The following ASH1L variants were observed in gnomAD, a reference collection of about 807,000 sequenced individuals.
ASH1L encodes the protein histone-lysine N-methyltransferase ASH1L.
A neutral mutation model predicts 269.0 loss-of-function variants in ASH1L; 23 were observed. That is an observed-to-expected ratio of 0.09 (90% CI 0.06 to 0.12). The LOEUF is 0.12. ASH1L is among the 10% of genes least tolerant of loss of function. The pLI, the probability that ASH1L is intolerant of heterozygous loss-of-function variation, is 1.00. For missense variants in ASH1L, 2,912 were observed against 3,567.8 expected (o/e 0.82, Z 4.68); for synonymous variants, 1,187 against 1,253.5 (o/e 0.95, Z 1.12).
intron 15 of ASH1L, among the ~76,000 whole-genome samples, chr1:155,356,254 T>C (rs1485223292): frequency 6.6e-6 from 1 of 152,178 alleles, no homozygotes; most frequent in African/African-American, 2.4e-5. Flanking sequence ...GTATTCTTAA[T>C]TTTTTCTCTA....
intron 5 of ASH1L, among the ~76,000 whole-genome samples, chr1:155,417,082 C>T (rs1208180653): frequency 1.3e-5 from 2 of 151,984 alleles, no homozygotes. Flanking sequence ...CAGGCATGTG[C>T]CACCACACCC....
chr1:155,410,392 C>T (rs1304387698), intron 6 of ASH1L, among the ~76,000 whole-genome samples: 1 of 152,150 alleles, frequency 6.6e-6, no homozygotes, highest in East Asian at 1.9e-4. Context: ...CAACCTCTGC[C>T]TCCGGAGGTC....
chr1:155,415,617 A>G lies in ASH1L; in HGVS notation c.6008+127T>C, dbSNP rs541968868. On this transcript the variant is annotated intron_variant, in intron 6 of 27. Coordinates refer to ENST00000392403, the MANE Select transcript of ASH1L (RefSeq NM_018489.3). Reference sequence around the variant, plus strand: ...AGTTTGAGGGAGGCGTACCTCATACATGAGTGCAAAAACACAATCATCACG... The same window carrying G: ...AGTTTGAGGGAGGCGTACCTCATACGTGAGTGCAAAAACACAATCATCACG... The G allele has an allele frequency of 6.6e-5, 71 of 1,080,022 alleles. 1 individual carries two copies. The Middle Eastern group carries it at 9.5e-4, about 14-fold the overall frequency. 66.9% of individuals were successfully genotyped at this position (1,080,022 alleles called of 1,614,324 possible).
chr1:155,543,495 G>C (rs1005342740), intron 1 of ASH1L, among the ~76,000 whole-genome samples: 2 of 128,076 alleles, frequency 1.6e-5, no homozygotes, highest in Admixed American at 1.7e-4. Context: ...GCATCACAGA[G>C]TGAGACTCTG....
intron 6 of ASH1L, among the ~76,000 whole-genome samples, chr1:155,411,146 C>T (rs897418205): frequency 8.6e-5 from 13 of 152,030 alleles, no homozygotes; most frequent in African/African-American, 2.9e-4. Flanking sequence ...CTGTACTTTC[C>T]ACTCAATTTT....
chr1:155,413,622 C>T (rs971814687), intron 6 of ASH1L, among the ~76,000 whole-genome samples: 12 of 151,876 alleles, frequency 7.9e-5, no homozygotes, highest in African/African-American at 2.9e-4. Context: ...AACAAACAAA[C>T]CAGAAAACAA....
chr1:155,407,776 G>C (rs1321193432), intron 6 of ASH1L, among the ~76,000 whole-genome samples: 2 of 151,436 alleles, frequency 1.3e-5, no homozygotes, highest in Non-Finnish European at 1.5e-5. Context: ...CATGAAACCT[G>C]AAAACAATAT....
chr1:155,425,809 C>T (rs1056004572), intron 5 of ASH1L, among the ~76,000 whole-genome samples: 2 of 151,892 alleles, frequency 1.3e-5, no homozygotes, highest in Admixed American at 6.6e-5. Flanking sequence ...AACTCCTGAC[C>T]TCAGGTGATC....
intron 3 of ASH1L, among the ~76,000 whole-genome samples, chr1:155,462,063 G>C (rs533197961): frequency 1.3e-5 from 2 of 152,246 alleles, no homozygotes; most frequent in African/African-American, 4.8e-5. Flanking sequence ...GCCTCCCAAA[G>C]TGCTGGGATT....
intron 4 of ASH1L, among the ~76,000 whole-genome samples, chr1:155,457,906 T>C (rs1040306761): frequency 6.6e-6 from 1 of 152,210 alleles, no homozygotes; most frequent in African/African-American, 2.4e-5. Context: ...GGTGAACTTT[T>C]TCTGTAAAAG....
At chr1:155,487,804 A>C (rs1478108020) in intron 2 of ASH1L, among the ~76,000 whole-genome samples, 2 of 151,608 alleles carry the variant, frequency 1.3e-5, no homozygotes, top group Non-Finnish European at 2.9e-5. Context: ...ATAGGAAGTT[A>C]TTTTTTAAAT....
chr1:155,533,569 C>T (rs1222487558), intron 1 of ASH1L, among the ~76,000 whole-genome samples: 1 of 151,656 alleles, frequency 6.6e-6, no homozygotes, highest in African/African-American at 2.4e-5. Flanking sequence ...AAAAAATTGG[C>T]CAGGCGTGGT....
intron 1 of ASH1L, among the ~76,000 whole-genome samples, chr1:155,554,889 C>T (rs947221241): frequency 2.0e-5 from 3 of 151,630 alleles, no homozygotes; most frequent in Non-Finnish European, 4.4e-5. Context: ...CACCTGTAAT[C>T]GCAGCACTTT....
At chr1:155,495,760 G>A (rs1386406039) in intron 2 of ASH1L, among the ~76,000 whole-genome samples, 1 of 152,180 alleles carries the variant, frequency 6.6e-6, no homozygotes, top group Non-Finnish European at 1.5e-5. Flanking sequence ...TACTTTGGGA[G>A]GCTGAGGCCA....
At chr1:155,550,947 A>G (rs1671154285) in intron 1 of ASH1L, among the ~76,000 whole-genome samples, 2 of 151,878 alleles carry the variant, frequency 1.3e-5, no homozygotes, top group African/African-American at 2.4e-5. Flanking sequence ...TCAGCCTCCC[A>G]AGTAGCTGGG....
At chr1:155,521,936 T>G (rs553513197) in intron 1 of ASH1L, among the ~76,000 whole-genome samples, 1 of 152,160 alleles carries the variant, frequency 6.6e-6, no homozygotes, top group South Asian at 2.1e-4. Flanking sequence ...CTTTCATATA[T>G]TTTCGCACTC....
In ASH1L at chr1:155,480,687, C is replaced by T. The variant is rs752145657; in HGVS notation, c.2183G>A (p.Cys728Tyr). The change falls in exon 3 of 28, where the codon TGC (cysteine) becomes TAC (tyrosine). Residue 728 changes from cysteine (C) to tyrosine (Y), a missense_variant. Cys to Tyr is a radical substitution (Grantham distance 194). This residue lies in a region of ASH1L where 715 missense variants were observed against 721.0 expected (regional missense o/e 0.99). Transcript: ENST00000392403. ...RWTKVVARSTCRSPKGLELER... is the reference protein window; with the variant it reads ...RWTKVVARSTYRSPKGLELER... ...TAATTCTAGCCCTTTTGGAGACCGG[C>T]ATGTGCTTCTTGCCACCACTTTAGT... 2 of 1,613,616 alleles carry T rather than the reference C, an allele frequency of 1.2e-6. No homozygotes were observed. The highest frequency in any genetic ancestry group is 1.7e-5 in the Admixed American group (1 of 59,940).
At chr1:155,553,958 G>T (rs148207536) in intron 1 of ASH1L, among the ~76,000 whole-genome samples, 3,093 of 151,976 alleles carry the variant, frequency 0.02, 102 homozygotes, top group African/African-American at 0.071. Context: ...CACTACGCCT[G>T]GCTAATTTTT....
Position 155,478,111 on chromosome 1 carries a change from A to G in ASH1L, c.4759T>C (p.Ser1587Pro), listed in dbSNP as rs774398204. Residue 1587 changes from serine (S) to proline (P), a missense_variant, in exon 3 of 28, where the codon TCC (serine) becomes CCC (proline). Ser to Pro is a moderately conservative substitution (Grantham distance 74, BLOSUM62 -1). Transcript: ENST00000392403. This position sits in a 1 kb window ranked among gnomAD's most constrained non-coding sequence, Gnocchi z 4.6. Reference sequence around the variant, plus strand: ...GAGTTGGGAGTGAATCCTCCAAGGGATAAGCTTGGAGAACTTTCTGAACAG... The same window carrying G: ...GAGTTGGGAGTGAATCCTCCAAGGGGTAAGCTTGGAGAACTTTCTGAACAG... The part of the protein sequence containing the change: ...IDCSESSPSL[S>P]LGGFTPNSEP... 1 of 1,614,076 alleles carries G rather than the reference A, an allele frequency of 6.2e-7. No individual in the cohort carries two copies. Among genetic ancestry groups the G allele is most frequent in the East Asian group, 2.2e-5 (1 of 44,866 alleles).
Sources: gnomAD v4.1 joint callset for allele counts (sites outside exome capture counted in the v4.1 genomes callset) on GRCh38, gnomAD v4.1.1 for gene constraint, gnomAD v4.1.1 regional missense constraint, Gnocchi (gnomAD v3.1) non-coding constraint, MANE v1.5 for transcripts, NCBI Gene and HGNC (gene_info 2026-07-23, HGNC 2026-07-21) for gene names.